The following MINPP1 variants were observed in gnomAD, a reference collection of about 807,000 sequenced individuals.
MINPP1 encodes multiple inositol-polyphosphate phosphatase 1.
In MINPP1, 28 loss-of-function variants were observed where a neutral mutation model predicts 46.1. That is an observed-to-expected ratio of 0.61 (90% CI 0.45 to 0.83). The LOEUF (loss-of-function observed/expected upper bound fraction) is 0.83, where lower values mean the gene tolerates loss of function less well. Ranked by LOEUF, MINPP1 falls within the 40% of genes least tolerant of loss-of-function variation. MINPP1 has a pLI of 0.00. For synonymous variants in MINPP1, 268 were observed against 249.1 expected (o/e 1.08, Z -0.72); for missense variants, 603 against 610.0 (o/e 0.99, Z 0.12).
intron 4 of MINPP1, among the ~76,000 whole-genome samples, chr10:87,525,946 A>AGTCTATCATTGATG (rs1218981516): frequency 2.0e-5 from 3 of 152,208 alleles, no homozygotes; most frequent in African/African-American, 7.2e-5. Context: ...TTCTTAATCC[A>AGTCTATCATTGATG]GTCTATCATT....
chr10:87,505,107 C>T lies in MINPP1; in HGVS notation c.192C>T (p.Pro64=), dbSNP rs1382276666. ...TCAACCCCGTGCTATTGTCGGGCCC[C>T]GAGGCTCCGTGGCGGGACCCTGAGC... ...EDVNPVLLSG[P]EAPWRDPELL... Residue 64 remains proline, a synonymous_variant, in exon 1 of 5, where the codon CCC becomes CCT. Coordinates refer to ENST00000371996, the MANE Select transcript of MINPP1 (RefSeq NM_004897.5). This position sits in a 1 kb window ranked among gnomAD's most constrained non-coding sequence, Gnocchi z 4.4. 3 of 1,613,344 alleles carry T rather than the reference C, an allele frequency of 1.9e-6. No homozygotes were observed. In the East Asian group the frequency reaches 6.7e-5, roughly 36 times the overall value.
At chr10:87,520,972 T>G (rs920770177) in intron 3 of MINPP1, 64 bp from the exon 4 acceptor site, 15 of 715,026 alleles carry the variant, frequency 2.1e-5, no homozygotes, top group Admixed American at 1.7e-4. Context: ...AGAATCATTA[T>G]TAAATCAGGG....
chr10:87,533,428 A>G (rs544297137), intron 4 of MINPP1, among the ~76,000 whole-genome samples: 51 of 152,194 alleles, frequency 3.4e-4, no homozygotes, highest in Admixed American at 3.1e-3. Context: ...AGATATTTCT[A>G]TTTAAGCAGA....
rs183780057 is a variant in MINPP1 at position 87,525,096 on chromosome 10, C to G, written c.1067+3927C>G. Among the ~76,000 whole-genome samples, 7 of 152,292 alleles carry G rather than the reference C, an allele frequency of 4.6e-5. No homozygotes were observed. The East Asian group carries it at 1.4e-3, about 29-fold the overall frequency. On this transcript the variant is annotated intron_variant, in intron 4 of 4. Transcript: ENST00000371996. ...TTCCATTTGTGGCAAAATGCAGTATCTACAAAGCACAATAAATCAAAGCAC... is the reference window on the plus strand; with the variant it reads ...TTCCATTTGTGGCAAAATGCAGTATGTACAAAGCACAATAAATCAAAGCAC...
chr10:87,552,004 A>C, intron 4 of MINPP1, 78 bp from the exon 5 acceptor site: 1 of 1,105,276 alleles, frequency 9.0e-7, no homozygotes, highest in African/African-American at 1.6e-5. Context: ...AAAGATGTGG[A>C]AGTTACTCCT....
intron 4 of MINPP1, among the ~76,000 whole-genome samples, chr10:87,545,584 TCTTCTTTTAATATGTC>T (rs2131841581): frequency 6.6e-6 from 1 of 152,344 alleles, no homozygotes. Context: ...ACTTAAAATA[TCTTCTTTTAATATGTC>T]TTATAATCCA....
intron 4 of MINPP1, among the ~76,000 whole-genome samples, chr10:87,524,188 ATCT>A (rs1446363919): frequency 2.6e-5 from 4 of 152,216 alleles, no homozygotes; most frequent in Admixed American, 2.0e-4. Flanking sequence ...TCTTAGCTAG[ATCT>A]TCTGGATCAC....
chr10:87,533,967 T>C (rs904945260), intron 4 of MINPP1, among the ~76,000 whole-genome samples: 2 of 151,898 alleles, frequency 1.3e-5, no homozygotes, highest in African/African-American at 4.8e-5. Flanking sequence ...CACAGTTCCA[T>C]GGAGTTTAGC....
chr10:87,534,234 G>C (rs560455007), intron 4 of MINPP1, among the ~76,000 whole-genome samples: 2 of 151,902 alleles, frequency 1.3e-5, no homozygotes, highest in East Asian at 3.9e-4. Flanking sequence ...TATATTTTTA[G>C]TAGAGAGACA....
intron 3 of MINPP1, among the ~76,000 whole-genome samples, chr10:87,513,731 CTACTA>C (rs1851369349): frequency 6.6e-6 from 1 of 152,158 alleles, no homozygotes; most frequent in Admixed American, 6.5e-5. Flanking sequence ...ATCACTCTCT[CTACTA>C]TATTAGTTTC....
intron 4 of MINPP1, among the ~76,000 whole-genome samples, chr10:87,534,803 T>C (rs905897259): frequency 1.3e-5 from 2 of 152,246 alleles, no homozygotes; most frequent in African/African-American, 4.8e-5. Context: ...TTTAGAAATA[T>C]GCTAGTTGAA....
chr10:87,519,525 C>T (rs922779520), intron 3 of MINPP1, among the ~76,000 whole-genome samples: 3 of 151,936 alleles, frequency 2.0e-5, no homozygotes, highest in Admixed American at 6.6e-5. Context: ...AGCTGTTCTC[C>T]TTTTCTTCAT....
chr10:87,512,082 A>G (rs1310663911), intron 2 of MINPP1, among the ~76,000 whole-genome samples: 3 of 152,188 alleles, frequency 2.0e-5, no homozygotes, highest in Non-Finnish European at 4.4e-5. Context: ...AATCAAAGCA[A>G]TGGAGGCAAC....
intron 2 of MINPP1, among the ~76,000 whole-genome samples, chr10:87,512,781 C>G (rs578118122): frequency 6.6e-6 from 1 of 152,088 alleles, no homozygotes; most frequent in South Asian, 2.1e-4. Flanking sequence ...TTGCAGTGAG[C>G]TGTGATCACC....
intron 1 of MINPP1, chr10:87,507,840 G>T: frequency 9.5e-7 from 1 of 1,049,724 alleles, no homozygotes; most frequent in Non-Finnish European, 1.1e-6. Flanking sequence ...AGTGCGTTTT[G>T]TGCTGCTGTC....
chr10:87,541,430 C>T (rs1021227282), intron 4 of MINPP1, among the ~76,000 whole-genome samples: 2 of 152,132 alleles, frequency 1.3e-5, no homozygotes, highest in Non-Finnish European at 2.9e-5. Context: ...TTGGCTAAGT[C>T]CTCTTGAATT....
At position 87,505,090 on chromosome 10, in the gene MINPP1, G is replaced by A. The variant is rs146209573; in HGVS notation, c.175G>A (p.Val59Met). The change falls in exon 1 of 5, where the codon GTG becomes ATG. Residue 59 changes from valine (V) to methionine (M), a missense_variant. Val to Met is a conservative substitution (Grantham distance 21). Transcript: ENST00000371996. This position sits in a 1 kb window ranked among gnomAD's most constrained non-coding sequence, Gnocchi z 4.4. ...TKTRYEDVNP[V>M]LLSGPEAPWR... is the part of the protein sequence containing the mutation. Reference sequence around the variant, plus strand: ...GACTCGCTACGAGGATGTCAACCCCGTGCTATTGTCGGGCCCCGAGGCTCC... The same window carrying A: ...GACTCGCTACGAGGATGTCAACCCCATGCTATTGTCGGGCCCCGAGGCTCC... 8 of 1,613,616 alleles carry A rather than the reference G, an allele frequency of 5.0e-6. No homozygotes were observed. The highest frequency in any genetic ancestry group is 1.3e-5 in the African/African-American group (1 of 75,050).
intron 4 of MINPP1, among the ~76,000 whole-genome samples, chr10:87,527,367 T>C (rs942898798): frequency 2.6e-5 from 4 of 152,228 alleles, no homozygotes; most frequent in Non-Finnish European, 4.4e-5. Context: ...AAGGGAATGC[T>C]TCCAGTTTTT....
intron 4 of MINPP1, among the ~76,000 whole-genome samples, chr10:87,549,726 G>A (rs1000362068): frequency 5.9e-5 from 9 of 152,196 alleles, no homozygotes; most frequent in Non-Finnish European, 8.8e-5. Flanking sequence ...TGGAGGTGTT[G>A]CTGCTGTTGC....
Sources: allele counts gnomAD v4.1 joint callset (sites outside exome capture counted in the v4.1 genomes callset), GRCh38; gene constraint gnomAD v4.1.1; non-coding constraint Gnocchi (gnomAD v3.1); transcripts MANE v1.5; gene names NCBI Gene and HGNC (gene_info 2026-07-23, HGNC 2026-07-21).